Variants in PDE12 observed in about 807,000 individuals in gnomAD.
PDE12 encodes the protein phosphodiesterase 12, also known as 2',5'-phosphodiesterase 12.
PDE12 carries 26 observed loss-of-function variants against 45.4 expected under a neutral mutation model. The ratio of observed to expected loss-of-function variants is 0.57; its 90% CI spans 0.42 to 0.79. PDE12 has a LOEUF of 0.79. Ranked by LOEUF, PDE12 falls within the 30% of genes least tolerant of loss-of-function variation. PDE12 has a pLI of 0.00. For missense variants in PDE12, 668 were observed against 790.0 expected (o/e 0.85, Z 1.85); for synonymous variants, 283 against 323.9 (o/e 0.87, Z 1.36).
At chr3:57,648,699 C>T in the PDE12 span, among the ~76,000 whole-genome samples, 2 of 152,038 alleles carry the variant, frequency 1.3e-5, no homozygotes, top group African/African-American at 4.8e-5. Flanking sequence ...ACAGAGAACC[C>T]AGAGATAAAG....
chr3:57,617,474 A>G, the PDE12 span, among the ~76,000 whole-genome samples: 1 of 152,186 alleles, frequency 6.6e-6, no homozygotes, highest in Non-Finnish European at 1.5e-5. Context: ...CCCAAAGGAA[A>G]ATAAATCATT....
At chr3:57,630,334 A>T in the PDE12 span, 2 of 1,220,026 alleles carry the variant, frequency 1.6e-6, no homozygotes, top group Non-Finnish European at 2.2e-6. Flanking sequence ...TAAAGAGTGG[A>T]TAAAGGGTAC....
chr3:57,604,370 G>A, the PDE12 span, among the ~76,000 whole-genome samples: 1 of 152,178 alleles, frequency 6.6e-6, no homozygotes, highest in South Asian at 2.1e-4. Context: ...GTGGTTGATA[G>A]TGTTAACAAA....
the PDE12 span, among the ~76,000 whole-genome samples, chr3:57,581,315 C>T: frequency 2.0e-5 from 3 of 152,010 alleles, no homozygotes; most frequent in Non-Finnish European, 4.4e-5. Context: ...CATGAACTCC[C>T]TAGGAAGCAG....
At chr3:57,641,187 T>G in the PDE12 span, among the ~76,000 whole-genome samples, 1 of 144,894 alleles carries the variant, frequency 6.9e-6, no homozygotes, top group Non-Finnish European at 1.5e-5. Flanking sequence ...TAAATATATA[T>G]TTATATATAT....
the PDE12 span, chr3:57,634,512 TAC>T: frequency 9.1e-7 from 1 of 1,093,988 alleles, no homozygotes; most frequent in Non-Finnish European, 1.3e-6. Context: ...GGATATTACA[TAC>T]CTGAACAAGG....
chr3:57,583,558 T>C, the PDE12 span, among the ~76,000 whole-genome samples: 1 of 152,208 alleles, frequency 6.6e-6, no homozygotes, highest in East Asian at 1.9e-4. Context: ...TTGTCTTACA[T>C]TCATCAGAAA....
At chr3:57,641,908 A>G in the PDE12 span, among the ~76,000 whole-genome samples, 2 of 152,302 alleles carry the variant, frequency 1.3e-5, no homozygotes, top group African/African-American at 4.8e-5. Context: ...AACACGTTTT[A>G]CACTAGACAT....
the PDE12 span, among the ~76,000 whole-genome samples, chr3:57,635,026 C>A: frequency 6.6e-6 from 1 of 152,068 alleles, no homozygotes; most frequent in African/African-American, 2.4e-5. Context: ...TAATATCTAT[C>A]ATTACTTAAA....
chr3:57,592,872 A>G, the PDE12 span, among the ~76,000 whole-genome samples: 2 of 152,172 alleles, frequency 1.3e-5, no homozygotes, highest in African/African-American at 4.8e-5. Context: ...ACTAAACATC[A>G]CAACTACAAT....
chr3:57,610,044 G>C, the PDE12 span, among the ~76,000 whole-genome samples: 1 of 152,240 alleles, frequency 6.6e-6, no homozygotes, highest in East Asian at 1.9e-4. Flanking sequence ...TCATAATCAA[G>C]TAGGCTTCAT....
At chr3:57,631,807 C>T in the PDE12 span, among the ~76,000 whole-genome samples, 2 of 142,316 alleles carry the variant, frequency 1.4e-5, no homozygotes, top group Non-Finnish European at 3.0e-5. Context: ...ACTGCAAGCT[C>T]TGCCTCTTGG....
the PDE12 span, among the ~76,000 whole-genome samples, chr3:57,589,008 A>T: frequency 2.0e-5 from 3 of 152,110 alleles, no homozygotes; most frequent in African/African-American, 7.2e-5. Flanking sequence ...AGGCTGAGGC[A>T]GGAGAATTGC....
chr3:57,652,839 T>C, the PDE12 span, among the ~76,000 whole-genome samples: 1 of 152,172 alleles, frequency 6.6e-6, no homozygotes, highest in Non-Finnish European at 1.5e-5. Context: ...TCCTGTAATC[T>C]GCAAAATATC....
At chr3:57,582,760 G>T in the PDE12 span, among the ~76,000 whole-genome samples, 1 of 102,734 alleles carries the variant, frequency 9.7e-6, no homozygotes, top group Non-Finnish European at 2.2e-5. Flanking sequence ...AAATTATTAA[G>T]TAATAAAAAA....
At chr3:57,645,383 C>T in the PDE12 span, among the ~76,000 whole-genome samples, 1 of 152,112 alleles carries the variant, frequency 6.6e-6, no homozygotes, top group African/African-American at 2.4e-5. Context: ...CTCTCTTGAA[C>T]CCAGGAGGCA....
the PDE12 span, among the ~76,000 whole-genome samples, chr3:57,588,152 T>C: frequency 6.6e-6 from 1 of 152,162 alleles, no homozygotes; most frequent in African/African-American, 2.4e-5. Flanking sequence ...CCAGCAATGG[T>C]CTCCCTCCCC....
the PDE12 span, among the ~76,000 whole-genome samples, chr3:57,614,983 A>G: frequency 6.0e-5 from 9 of 148,834 alleles, no homozygotes; most frequent in Non-Finnish European, 1.3e-4. Flanking sequence ...ACAAAGTGGG[A>G]CTGTGTCTCA....
the PDE12 span, chr3:57,577,477 G>T: frequency 1.1e-6 from 1 of 951,486 alleles, no homozygotes; most frequent in Non-Finnish European, 1.7e-6. Context: ...CCAATGGTTA[G>T]ACATTAGGAA....
Sources: gnomAD v4.1 joint callset for allele counts (sites outside exome capture counted in the v4.1 genomes callset) on GRCh38, gnomAD v4.1.1 for gene constraint, MANE v1.5 for transcripts, NCBI Gene and HGNC (gene_info 2026-07-23, HGNC 2026-07-21) for gene names.